COL26A1: variants seen among roughly 807,000 people sequenced by gnomAD.
COL26A1 encodes collagen alpha-1(XXVI) chain.
COL26A1 carries 41 observed loss-of-function variants against 59.3 expected under a neutral mutation model. That is an observed-to-expected ratio of 0.69 (90% CI 0.54 to 0.90). COL26A1 has a LOEUF of 0.90. Ranked by LOEUF, COL26A1 falls within the 40% of genes least tolerant of loss-of-function variation. The pLI, the probability that COL26A1 is intolerant of heterozygous loss-of-function variation, is 0.00. For missense variants in COL26A1, 612 were observed against 602.3 expected, an observed-to-expected ratio of 1.02 and a Z score of -0.17; for synonymous variants, 266 against 256.0, an observed-to-expected ratio of 1.04 and a Z score of -0.37.
intron 3 of COL26A1, among the ~76,000 whole-genome samples, chr7:101,473,468 C>G (rs1793953894): frequency 8.2e-6 from 1 of 121,794 alleles, no homozygotes; most frequent in African/African-American, 3.1e-5. Flanking sequence ...GCAGTCAAAC[C>G]TGGTCCCACC....
intron 3 of COL26A1, among the ~76,000 whole-genome samples, chr7:101,501,619 C>T (rs1343143721): frequency 1.3e-5 from 2 of 152,120 alleles, no homozygotes; most frequent in African/African-American, 4.8e-5. Context: ...TGTTTCTGCC[C>T]CAGGCCTGTA....
chr7:101,477,768 CTG>C (rs1393095227), intron 3 of COL26A1, among the ~76,000 whole-genome samples: 3 of 152,174 alleles, frequency 2.0e-5, no homozygotes, highest in Non-Finnish European at 4.4e-5. Flanking sequence ...TTCAGCACCT[CTG>C]TATACCTTCA....
chr7:101,385,863 C>G (rs949209648), intron 1 of COL26A1, among the ~76,000 whole-genome samples: 1 of 151,970 alleles, frequency 6.6e-6, no homozygotes, highest in African/African-American at 2.4e-5. Flanking sequence ...CACCACCACG[C>G]CCGGCTAATT....
At chr7:101,377,504 G>C (rs1446758291) in intron 1 of COL26A1, among the ~76,000 whole-genome samples, 1 of 151,398 alleles carries the variant, frequency 6.6e-6, no homozygotes, top group Non-Finnish European at 1.5e-5. Flanking sequence ...ATAGCTCACT[G>C]CAGCCTTGAC....
chr7:101,526,031 T>TCTTTTTCTTTTCTTTTC (rs1795240533), intron 3 of COL26A1, among the ~76,000 whole-genome samples: 1 of 152,056 alleles, frequency 6.6e-6, no homozygotes, highest in Non-Finnish European at 1.5e-5. Context: ...AACTGCGTTT[T>TCTTTTTCTTTTCTTTTC]CTTTTTCTTT....
chr7:101,488,889 G>A (rs956858456), intron 3 of COL26A1, among the ~76,000 whole-genome samples: 5 of 152,152 alleles, frequency 3.3e-5, no homozygotes, highest in Admixed American at 1.3e-4. Context: ...TTACAGCTCT[G>A]TAAAGTTGTG....
At chr7:101,425,047 T>C (rs185920403) in intron 2 of COL26A1, among the ~76,000 whole-genome samples, 5,773 of 151,916 alleles carry the variant, frequency 0.038, 114 homozygotes, top group African/African-American at 0.043. Context: ...CTCAGCCTCC[T>C]GAGTAGCTGG....
chr7:101,481,079 G>A (rs1184160304), intron 3 of COL26A1, among the ~76,000 whole-genome samples: 1 of 152,192 alleles, frequency 6.6e-6, no homozygotes, highest in East Asian at 1.9e-4. Flanking sequence ...CAAGGCACAG[G>A]CCTGAGGTTT....
intron 1 of COL26A1, among the ~76,000 whole-genome samples, chr7:101,363,651 G>GTCCGGC (rs1790965280): frequency 6.6e-6 from 1 of 151,780 alleles, no homozygotes; most frequent in East Asian, 1.9e-4. Context: ...GAAGGTTCGG[G>GTCCGGC]TCCGGCTCCG....
In COL26A1 at chr7:101,363,206, CCGAGGGGCCGGGGGGTGGGG is replaced by C; in HGVS notation, c.158+17_158+36del. On this transcript the variant is annotated intron_variant, in intron 1 of 12. Coordinates refer to ENST00000313669, the MANE Select transcript of COL26A1 (RefSeq NM_001278563.3). ...CGAGCCGCCGGTGAGTAGCTCGGGG[CCGAGGGGCCGGGGGGTGGGG>C]GGAGGGAGCGGACAGCGGGGGCCCT... is the stretch of plus-strand genomic sequence containing the variant. The C allele has an allele frequency of 9.4e-6, 8 of 848,720 alleles. No individual in the cohort carries two copies. Among genetic ancestry groups the C allele is most frequent in the Non-Finnish European group, 1.2e-5 (8 of 664,600 alleles). 52.6% of individuals were successfully genotyped at this position (848,720 alleles called of 1,614,324 possible). A position where few individuals can be genotyped will look rare whatever the true frequency, so the allele number is the denominator to read the frequency against.
At chr7:101,471,567 G>GTTTTTTTTTTTTTT (rs796287195) in intron 3 of COL26A1, among the ~76,000 whole-genome samples, 8 of 112,418 alleles carry the variant, frequency 7.1e-5, no homozygotes, top group African/African-American at 2.5e-4. Flanking sequence ...TGTTGTTGTT[G>GTTTTTTTTTTTTTT]TTTGTTTTTT....
chr7:101,468,446 T>A (rs1306741795), intron 3 of COL26A1, among the ~76,000 whole-genome samples: 1 of 152,226 alleles, frequency 6.6e-6, no homozygotes, highest in Admixed American at 6.5e-5. Context: ...GCCCATCCGT[T>A]TCTCTTCTGG....
intron 3 of COL26A1, among the ~76,000 whole-genome samples, chr7:101,449,848 G>A (rs1793287259): frequency 6.6e-6 from 1 of 152,124 alleles, no homozygotes; most frequent in South Asian, 2.1e-4. Context: ...ATTAGGATGG[G>A]CGTGGTGGCT....
intron 1 of COL26A1, among the ~76,000 whole-genome samples, chr7:101,406,678 C>T (rs1304633532): frequency 2.0e-5 from 3 of 152,174 alleles, no homozygotes; most frequent in African/African-American, 7.2e-5. Context: ...TGGCCGGGTG[C>T]AGTGGTGCAG....
chr7:101,438,061 C>T (rs1305445929), intron 2 of COL26A1, among the ~76,000 whole-genome samples: 2 of 145,314 alleles, frequency 1.4e-5, no homozygotes, highest in Non-Finnish European at 3.2e-5. Flanking sequence ...GACATTTCTG[C>T]TTTAAAAACG....
chr7:101,438,232 A>G (rs1270549165), intron 2 of COL26A1, among the ~76,000 whole-genome samples: 2 of 151,472 alleles, frequency 1.3e-5, no homozygotes, highest in African/African-American at 4.8e-5. Context: ...GTGGTGGTGC[A>G]TGCCTGTAAT....
chr7:101,502,893 G>C (rs17135544), intron 3 of COL26A1, among the ~76,000 whole-genome samples: 13,435 of 152,226 alleles, frequency 0.088, 1,182 homozygotes, highest in African/African-American at 0.23. Flanking sequence ...ATTCTCTAAG[G>C]GGCGGGAGCT....
Position 101,545,386 on chromosome 7 carries a change from GCCCCGGCC to G in COL26A1, c.757_764del (p.Gly253ArgfsTer90), listed in dbSNP as rs755080035. The G allele has an allele frequency of 6.3e-7, 1 of 1,587,704 alleles. No individual in the cohort carries two copies. Among genetic ancestry groups the G allele is most frequent in the South Asian group, 1.1e-5 (1 of 88,934 alleles). On this transcript the variant is annotated frameshift_variant, in exon 7 of 13. Transcript: ENST00000313669. LOFTEE classifies it high-confidence loss of function. ...CGTGGGCTTCCTGGAGAGATGGGGC[GCCCCGGCC>G]CCCCAGGACCACCCGGCCCAGCAGG...
chr7:101,538,380 T>C (rs1189104032), intron 4 of COL26A1, among the ~76,000 whole-genome samples: 1 of 152,200 alleles, frequency 6.6e-6, no homozygotes, highest in Non-Finnish European at 1.5e-5. Flanking sequence ...GAGGATAAAC[T>C]GTGGTTTGGT....
Sources: gnomAD v4.1 joint callset for allele counts (sites outside exome capture counted in the v4.1 genomes callset) on GRCh38, gnomAD v4.1.1 for gene constraint, MANE v1.5 for transcripts, NCBI Gene and HGNC (gene_info 2026-07-23, HGNC 2026-07-21) for gene names.